SPTLC2: variants seen among roughly 807,000 people sequenced by gnomAD.
The protein encoded by SPTLC2 is serine palmitoyltransferase 2.
SPTLC2 carries 21 observed loss-of-function variants against 62.0 expected under a neutral mutation model. The ratio of observed to expected loss-of-function variants is 0.34; its 90% CI spans 0.24 to 0.49. SPTLC2 has a LOEUF of 0.49. SPTLC2 is among the 20% of genes least tolerant of loss of function. SPTLC2 has a pLI of 0.99. For missense variants in SPTLC2, 511 were observed against 713.0 expected (o/e 0.72, Z 3.23); for synonymous variants, 261 against 261.8 (o/e 1.00, Z 0.03).
At chr14:77,599,258 TG>T (rs2079864686) in intron 1 of SPTLC2, among the ~76,000 whole-genome samples, 1 of 152,220 alleles carries the variant, frequency 6.6e-6, no homozygotes, top group Admixed American at 6.5e-5. Context: ...GCAGTGAGGA[TG>T]GTTAAACAAA....
intron 9 of SPTLC2, among the ~76,000 whole-genome samples, chr14:77,545,296 C>T (rs1320107105): frequency 3.4e-5 from 5 of 148,878 alleles, no homozygotes; most frequent in Non-Finnish European, 5.9e-5. Flanking sequence ...ATGGGAGTTT[C>T]ACTCTTGTCT....
chr14:77,615,265 C>G (rs1014077593), intron 1 of SPTLC2, among the ~76,000 whole-genome samples: 1 of 152,220 alleles, frequency 6.6e-6, no homozygotes, highest in Admixed American at 6.5e-5. Flanking sequence ...GAGGTCAAGT[C>G]TGCTTTACTT....
intron 4 of SPTLC2, among the ~76,000 whole-genome samples, chr14:77,574,238 T>A (rs1236855974): frequency 6.6e-6 from 1 of 152,178 alleles, no homozygotes; most frequent in Non-Finnish European, 1.5e-5. Flanking sequence ...TAGAGTGGAA[T>A]CCTTTGAAAA....
Position 77,567,192 on chromosome 14 carries a change from G to C in SPTLC2, c.756+3192C>G, listed in dbSNP as rs192637638. On this transcript the variant is annotated intron_variant, in intron 5 of 11. Transcript: ENST00000216484. ...TCATCCTGTTAGCCAGGATGGTCTC[G>C]ATCTCCACCCGTCTCAGCCTCCCAA... Among the ~76,000 whole-genome samples the C allele has an allele frequency of 6.5e-3, 996 of 152,138 alleles. 11 individuals are homozygous for C. Among genetic ancestry groups the C allele is most frequent in the Non-Finnish European group, 8.3e-3 (562 of 67,990 alleles).
intron 6 of SPTLC2, among the ~76,000 whole-genome samples, chr14:77,561,750 G>A (rs895975887): frequency 3.3e-5 from 5 of 152,014 alleles, no homozygotes; most frequent in Non-Finnish European, 5.9e-5. Context: ...TTCCATCCAC[G>A]GGTACACACC....
At chr14:77,547,060 T>C (rs1344950943) in intron 9 of SPTLC2, among the ~76,000 whole-genome samples, 6 of 152,132 alleles carry the variant, frequency 3.9e-5, no homozygotes, top group African/African-American at 9.7e-5. Context: ...AGACAGGGTT[T>C]CTCCATGTTG....
intron 3 of SPTLC2, among the ~76,000 whole-genome samples, chr14:77,578,334 C>CTTTT (rs879396969): frequency 7.3e-6 from 1 of 136,978 alleles, no homozygotes; most frequent in African/African-American, 2.7e-5. Context: ...GATAGCTTTT[C>CTTTT]TTTTTTTTTT....
At position 77,509,987 on chromosome 14, in the gene SPTLC2, T is replaced by C; in HGVS notation, c.*2297A>G. 5.0e-6 allele frequency: 2 copies of C among 398,348 alleles called. No individual in the cohort carries two copies. Among genetic ancestry groups the C allele is most frequent in the Non-Finnish European group, 8.9e-6 (2 of 225,938 alleles). The allele number at this position is 398,348 out of a possible 1,614,324, so 24.7% of individuals were successfully genotyped here. ...GCAGGTAAGTTCATTGCTTATAAGTTTGTGACTTTTACAAACCCTACGTTT... is the reference window on the plus strand; with the variant it reads ...GCAGGTAAGTTCATTGCTTATAAGTCTGTGACTTTTACAAACCCTACGTTT... On this transcript the variant is annotated 3_prime_UTR_variant, in exon 12 of 12. Coordinates refer to ENST00000216484, the MANE Select transcript of SPTLC2 (RefSeq NM_004863.4).
chr14:77,569,773 ATAATATG>A (rs915278820), intron 5 of SPTLC2, among the ~76,000 whole-genome samples: 5 of 135,410 alleles, frequency 3.7e-5, no homozygotes, highest in Admixed American at 8.2e-5. Flanking sequence ...TATTATATAT[ATAATATG>A]TAATATGTAA....
At chr14:77,569,834 A>T in intron 5 of SPTLC2, among the ~76,000 whole-genome samples, 1 of 35,328 alleles carries the variant, frequency 2.8e-5, no homozygotes, top group South Asian at 8.3e-4. Flanking sequence ...TATATATATA[A>T]TATACAATAT....
At chr14:77,581,968 A>C (rs2079753557) in intron 2 of SPTLC2, among the ~76,000 whole-genome samples, 1 of 152,096 alleles carries the variant, frequency 6.6e-6, no homozygotes, top group African/African-American at 2.4e-5. Flanking sequence ...AATCCTTTTC[A>C]TTCATGTAAA....
At position 77,509,956 on chromosome 14, in the gene SPTLC2, A is replaced by C. The variant is rs1441611873; in HGVS notation, c.*2328T>G. On this transcript the variant is annotated 3_prime_UTR_variant, in exon 12 of 12. Coordinates refer to ENST00000216484, the MANE Select transcript of SPTLC2 (RefSeq NM_004863.4). Reference sequence around the variant, plus strand: ...TGACTTCATGCAAGCCAAAATAAAAAGACTAGCAGGTAAGTTCATTGCTTA... The same window carrying C: ...TGACTTCATGCAAGCCAAAATAAAACGACTAGCAGGTAAGTTCATTGCTTA... The C allele has an allele frequency of 2.5e-6, 1 of 398,334 alleles. No individual in the cohort carries two copies. Among genetic ancestry groups the C allele is most frequent in the African/African-American group, 2.1e-5 (1 of 48,648 alleles). 24.7% of individuals were successfully genotyped at this position (398,334 alleles called of 1,614,324 possible). A position where few individuals can be genotyped will look rare whatever the true frequency, so the allele number is the denominator to read the frequency against.
intron 2 of SPTLC2, among the ~76,000 whole-genome samples, chr14:77,585,015 C>T (rs2079773484): frequency 1.3e-5 from 2 of 152,212 alleles, no homozygotes; most frequent in South Asian, 4.1e-4. Flanking sequence ...TGCCTATTCA[C>T]CAGCCTCTGG....
rs548309314 is a variant in SPTLC2 at position 77,573,578 on chromosome 14, A to G, written c.632-3070T>C. Among the ~76,000 whole-genome samples the G allele has an allele frequency of 2.6e-5, 4 of 152,280 alleles. No homozygotes were observed. The South Asian group carries it at 8.3e-4, about 32-fold the overall frequency. ...ATGCTAATGTCTTTATAGAAAGGGG[A>G]AATTTGGACACAGTGATAGACATGC... On this transcript the variant is annotated intron_variant, in intron 4 of 11. Coordinates refer to ENST00000216484, the MANE Select transcript of SPTLC2 (RefSeq NM_004863.4).
At chr14:77,564,427 ACACACACACAC>A (rs1566781730) in intron 5 of SPTLC2, among the ~76,000 whole-genome samples, 56 of 148,834 alleles carry the variant, frequency 3.8e-4, no homozygotes, top group African/African-American at 1.3e-3. Flanking sequence ...ACACACACAC[ACACACACACAC>A]ACACACACAC....
intron 2 of SPTLC2, among the ~76,000 whole-genome samples, chr14:77,595,591 T>G (rs940418638): frequency 3.3e-5 from 5 of 152,150 alleles, no homozygotes; most frequent in African/African-American, 1.2e-4. Context: ...AAAGGATGCC[T>G]AATCTTGAGT....
At chr14:77,605,610 G>A (rs1414115287) in intron 1 of SPTLC2, among the ~76,000 whole-genome samples, 1 of 152,222 alleles carries the variant, frequency 6.6e-6, no homozygotes, top group Non-Finnish European at 1.5e-5. Flanking sequence ...TTTAGCGTGA[G>A]TGATGATAAC....
chr14:77,516,038 C>T (rs1360734624), intron 11 of SPTLC2, among the ~76,000 whole-genome samples: 3 of 144,348 alleles, frequency 2.1e-5, no homozygotes, highest in African/African-American at 5.0e-5. Context: ...GTGTATTTTA[C>T]AGCACTTTCT....
intron 5 of SPTLC2, among the ~76,000 whole-genome samples, chr14:77,566,136 A>G (rs983733364): frequency 2.6e-5 from 4 of 152,110 alleles, no homozygotes; most frequent in African/African-American, 9.7e-5. Flanking sequence ...AAACCTGCAA[A>G]AGCATTATGT....
Sources: gnomAD v4.1 joint callset for allele counts (sites outside exome capture counted in the v4.1 genomes callset) on GRCh38, gnomAD v4.1.1 for gene constraint, MANE v1.5 for transcripts, NCBI Gene and HGNC (gene_info 2026-07-23, HGNC 2026-07-21) for gene names.